PCDHA12: variants seen among roughly 807,000 people sequenced by gnomAD.
PCDHA12 encodes the protein protocadherin alpha 12.
Under a neutral mutation model 60.0 loss-of-function variants are expected in PCDHA12, and 44 were observed. That is an observed-to-expected ratio of 0.73 (90% CI 0.58 to 0.94). The LOEUF is 0.94. Among genes scored for constraint, PCDHA12 ranks in the 40% least tolerant of loss-of-function variants. The probability of loss-of-function intolerance (pLI) is 0.00; values close to 1 mark genes in which losing one functional copy is unlikely to be tolerated. For missense variants in PCDHA12, 1,276 were observed against 1,239.7 expected (o/e 1.03, Z -0.44); for synonymous variants, 569 against 553.0 (o/e 1.03, Z -0.40).
intron 1 of PCDHA12, chr5:140,968,888 CTAA>C: frequency 6.2e-7 from 1 of 1,614,210 alleles, no homozygotes; most frequent in Non-Finnish European, 8.5e-7. Context: ...TACCCTTTAT[CTAA>C]TAATAGCATT....
intron 1 of PCDHA12, among the ~76,000 whole-genome samples, chr5:140,920,592 T>C (rs1226483981): frequency 6.6e-6 from 1 of 152,158 alleles, no homozygotes; most frequent in Non-Finnish European, 1.5e-5. Flanking sequence ...ACGCCTGTAA[T>C]CCCAGCACTT....
At chr5:140,918,268 A>T (rs1554198508) in intron 1 of PCDHA12, among the ~76,000 whole-genome samples, 2 of 152,084 alleles carry the variant, frequency 1.3e-5, no homozygotes. Context: ...TGGAGGTTTT[A>T]TCAGATGTAG....
chr5:140,989,597 G>A (rs1168398697), intron 3 of PCDHA12, among the ~76,000 whole-genome samples: 1 of 152,144 alleles, frequency 6.6e-6, no homozygotes, highest in Non-Finnish European at 1.5e-5. Flanking sequence ...ACTGACACAA[G>A]TAAACTAAAA....
intron 1 of PCDHA12, among the ~76,000 whole-genome samples, chr5:140,887,132 T>A (rs2061321769): frequency 6.6e-6 from 1 of 151,950 alleles, no homozygotes; most frequent in Non-Finnish European, 1.5e-5. Context: ...AGTCTCACTC[T>A]GTCGCCCAGG....
chr5:140,884,609 G>C (rs1554181782), intron 1 of PCDHA12: 4 of 1,614,138 alleles, frequency 2.5e-6, no homozygotes, highest in African/African-American at 1.3e-5. Flanking sequence ...TCCTTGTCTG[G>C]GTTCTGCAGA....
intron 1 of PCDHA12, among the ~76,000 whole-genome samples, chr5:140,922,458 C>A (rs782064554): frequency 6.6e-6 from 1 of 152,160 alleles, no homozygotes; most frequent in Non-Finnish European, 1.5e-5. Context: ...TATTTGTCAA[C>A]ACAAAATAGG....
At chr5:140,922,371 T>G (rs1194947703) in intron 1 of PCDHA12, among the ~76,000 whole-genome samples, 1 of 152,204 alleles carries the variant, frequency 6.6e-6, no homozygotes, top group Non-Finnish European at 1.5e-5. Context: ...CTCACTGAGA[T>G]GCAAAACCAA....
intron 1 of PCDHA12, among the ~76,000 whole-genome samples, chr5:140,959,117 G>A (rs2095468242): frequency 6.6e-6 from 1 of 152,174 alleles, no homozygotes; most frequent in South Asian, 2.1e-4. Flanking sequence ...CCGAAGGTGG[G>A]CGAGGTGAGC....
intron 3 of PCDHA12, among the ~76,000 whole-genome samples, chr5:140,998,792 G>A (rs747824792): frequency 6.6e-6 from 1 of 152,156 alleles, no homozygotes; most frequent in Non-Finnish European, 1.5e-5. Flanking sequence ...TGGAACCCCT[G>A]ACCTCAGGTG....
chr5:140,968,569 C>G (rs1554230875), intron 1 of PCDHA12: 18 of 1,614,086 alleles, frequency 1.1e-5, no homozygotes, highest in Non-Finnish European at 1.5e-5. Context: ...CCCCTGCTGG[C>G]TACCTGGTCA....
chr5:140,882,066 T>G (rs1198525083), intron 1 of PCDHA12: 1 of 845,446 alleles, frequency 1.2e-6, no homozygotes, highest in East Asian at 2.7e-5. Context: ...TACACGTTCA[T>G]GCGCATGGTG....
At chr5:140,901,599 A>G (rs1196199794) in intron 1 of PCDHA12, among the ~76,000 whole-genome samples, 2 of 152,132 alleles carry the variant, frequency 1.3e-5, no homozygotes, top group South Asian at 2.1e-4. Flanking sequence ...TTTGGTTACT[A>G]TATCTCTATG....
intron 1 of PCDHA12, among the ~76,000 whole-genome samples, chr5:140,911,424 T>C (rs1180624921): frequency 6.6e-6 from 1 of 152,168 alleles, no homozygotes; most frequent in Non-Finnish European, 1.5e-5. Context: ...TAAGAACTTG[T>C]GTCCAATTTC....
At chr5:140,980,595 A>G (rs2096897056) in intron 2 of PCDHA12, among the ~76,000 whole-genome samples, 1 of 152,222 alleles carries the variant, frequency 6.6e-6, no homozygotes, top group South Asian at 2.1e-4. Context: ...GAGCCACTGC[A>G]CTCCAGCCTG....
intron 3 of PCDHA12, among the ~76,000 whole-genome samples, chr5:140,994,862 G>A (rs1434007632): frequency 1.3e-5 from 2 of 152,174 alleles, no homozygotes; most frequent in African/African-American, 4.8e-5. Flanking sequence ...TTTGATGGAT[G>A]TGGTAGAATA....
At position 140,876,783 on chromosome 5, in the gene PCDHA12, C is replaced by G. The variant is rs1554168916; in HGVS notation, c.1311C>G (p.Ala437=). 1.2e-6 allele frequency: 2 copies of G among 1,614,196 alleles called. No individual in the cohort carries two copies. Among genetic ancestry groups the G allele is most frequent in the Admixed American group, 1.7e-5 (1 of 60,032 alleles). ...ATGGGGGCTCGCCTTCGCTGTGGGC[C>G]ACGGCTAGAGTGTCCGTGGAGGTGG... ...ARDGGSPSLW[A]TARVSVEVAD... is the part of the protein sequence containing the mutation. Residue 437 remains alanine (A), a synonymous_variant, in exon 1 of 4, where the codon GCC becomes GCG. Transcript: ENST00000398631.
intron 3 of PCDHA12, among the ~76,000 whole-genome samples, chr5:140,986,174 A>G (rs896771813): frequency 1.3e-5 from 2 of 152,238 alleles, no homozygotes; most frequent in Admixed American, 6.5e-5. Flanking sequence ...CAGGATAAAC[A>G]AGTCAGGCAT....
rs150226999 is a variant in PCDHA12, at chr5:140,970,370, C to T, written c.2368-8579C>T. 2.1e-3 allele frequency among the ~76,000 whole-genome samples: 315 copies of T among 152,234 alleles called. 1 individual carries two copies. The highest frequency in any genetic ancestry group is 7.2e-3 in the African/African-American group (299 of 41,540). On this transcript the variant is annotated intron_variant, in intron 1 of 3. Coordinates refer to ENST00000398631, the MANE Select transcript of PCDHA12 (RefSeq NM_018903.4). ...GGATCTAAAATTTGATTTGCTATAG[C>T]TTCAAAAGGCTGGCTTGGAAAGTGG...
intron 1 of PCDHA12, among the ~76,000 whole-genome samples, chr5:140,894,240 ATTTTC>A (rs2064382890): frequency 6.6e-6 from 1 of 151,828 alleles, no homozygotes; most frequent in African/African-American, 2.4e-5. Flanking sequence ...TGACAATGTA[ATTTTC>A]TTTTCTTTAC....
Sources: gnomAD v4.1 joint callset for allele counts (sites outside exome capture counted in the v4.1 genomes callset) on GRCh38, gnomAD v4.1.1 for gene constraint, MANE v1.5 for transcripts, NCBI Gene and HGNC (gene_info 2026-07-23, HGNC 2026-07-21) for gene names.